Variants in HMGCLL1 observed in about 807,000 individuals in gnomAD.
HMGCLL1 encodes the protein 3-hydroxymethyl-3-methylglutaryl-CoA lyase, cytoplasmic.
Under a neutral mutation model 39.1 loss-of-function variants are expected in HMGCLL1, and 36 were observed. The observed-to-expected ratio is 0.92, with a 90% confidence interval of 0.71 to 1.22. HMGCLL1 has a LOEUF of 1.22. HMGCLL1 is among the 50% of genes most tolerant of loss of function. The probability of loss-of-function intolerance (pLI) is 0.00; values close to 1 mark genes in which losing one functional copy is unlikely to be tolerated. For missense variants in HMGCLL1, 451 were observed against 416.5 expected (o/e 1.08, Z -0.72); for synonymous variants, 149 against 144.0 (o/e 1.03, Z -0.25).
intron 5 of HMGCLL1, among the ~76,000 whole-genome samples, chr6:55,505,522 T>C (rs1293225055): frequency 6.6e-6 from 1 of 151,674 alleles, no homozygotes; most frequent in Non-Finnish European, 1.5e-5. Context: ...CATTTATTAT[T>C]GTGGATAACA....
At chr6:55,565,823 C>T (rs529289675) in intron 1 of HMGCLL1, among the ~76,000 whole-genome samples, 14 of 152,042 alleles carry the variant, frequency 9.2e-5, no homozygotes, top group Non-Finnish European at 1.9e-4. Flanking sequence ...TGAGTGAAAC[C>T]CTGAGTAACT....
chr6:55,616,828 C>A, the HMGCLL1 span, among the ~76,000 whole-genome samples: 1 of 151,684 alleles, frequency 6.6e-6, no homozygotes, highest in African/African-American at 2.4e-5. Flanking sequence ...TTAGTTATGT[C>A]TTTAGAGAGG....
the HMGCLL1 span, among the ~76,000 whole-genome samples, chr6:55,678,542 G>C: frequency 5.9e-5 from 9 of 152,194 alleles, no homozygotes; most frequent in Non-Finnish European, 1.2e-4. Context: ...TAAGCTCACT[G>C]ATATTGAGCA....
chr6:55,636,011 A>C, the HMGCLL1 span, among the ~76,000 whole-genome samples: 3 of 152,102 alleles, frequency 2.0e-5, no homozygotes, highest in Non-Finnish European at 4.4e-5. Context: ...CCAGCAGCAT[A>C]ATGAACCTCT....
At chr6:55,582,826 T>G (rs903645619), upstream of HMGCLL1, among the ~76,000 whole-genome samples, 2 of 152,152 alleles carry the variant, frequency 1.3e-5, no homozygotes, top group African/African-American at 4.8e-5. Context: ...TTAAATTATT[T>G]GAAACCATGA....
At chr6:55,497,001 G>A (rs2127424776) in intron 6 of HMGCLL1, among the ~76,000 whole-genome samples, 1 of 152,154 alleles carries the variant, frequency 6.6e-6, no homozygotes, top group East Asian at 1.9e-4. Context: ...TTTGCAAATG[G>A]TAGAGTCATT....
chr6:55,503,535 G>A (rs942853808), intron 5 of HMGCLL1, among the ~76,000 whole-genome samples: 2 of 107,682 alleles, frequency 1.9e-5, no homozygotes, highest in Non-Finnish European at 4.1e-5. Flanking sequence ...TTCTGTGTGT[G>A]TAATGAGAAT....
the HMGCLL1 span, among the ~76,000 whole-genome samples, chr6:55,662,417 CTTTTCTAAGTCTCTTGAGATTATCATGTG>C: frequency 1.3e-5 from 2 of 151,686 alleles, no homozygotes; most frequent in African/African-American, 4.8e-5. Flanking sequence ...CACTGAAAGT[CTTTTCTAAGTCTCTTGAGATTATCATGTG>C]TTTCTTGTTT....
chr6:55,564,718 A>T (rs1360248689), intron 1 of HMGCLL1, among the ~76,000 whole-genome samples: 2 of 151,962 alleles, frequency 1.3e-5, no homozygotes, highest in Admixed American at 6.6e-5. Flanking sequence ...ACATGCTTTG[A>T]TTTTGAGCTA....
chr6:55,631,100 T>C, the HMGCLL1 span, among the ~76,000 whole-genome samples: 1 of 152,084 alleles, frequency 6.6e-6, no homozygotes, highest in African/African-American at 2.4e-5. Context: ...TTAATACCTC[T>C]CTCTAAGTTC....
At chr6:55,509,997 C>A (rs1041141444) in intron 5 of HMGCLL1, among the ~76,000 whole-genome samples, 1 of 151,788 alleles carries the variant, frequency 6.6e-6, no homozygotes, top group Non-Finnish European at 1.5e-5. Flanking sequence ...TCACACCTGA[C>A]AATTGTCTTT....
intron 3 of HMGCLL1, among the ~76,000 whole-genome samples, chr6:55,527,518 C>A (rs12213162): frequency 6.6e-6 from 1 of 151,812 alleles, no homozygotes; most frequent in African/African-American, 2.4e-5. Flanking sequence ...GAGATGAATC[C>A]CCATTTTGTG....
chr6:55,482,123 T>C (rs1765782371), intron 7 of HMGCLL1, among the ~76,000 whole-genome samples: 1 of 152,140 alleles, frequency 6.6e-6, no homozygotes, highest in South Asian at 2.1e-4. Flanking sequence ...ATACTCTGAT[T>C]CTACAATAAG....
chr6:55,557,543 T>C (rs1177350806), intron 1 of HMGCLL1, among the ~76,000 whole-genome samples: 1 of 152,156 alleles, frequency 6.6e-6, no homozygotes, highest in Non-Finnish European at 1.5e-5. Context: ...TTTAGGGCTC[T>C]GTACCCAGCT....
At chr6:55,523,536 AT>A (rs1179701405) in intron 3 of HMGCLL1, among the ~76,000 whole-genome samples, 3 of 151,870 alleles carry the variant, frequency 2.0e-5, no homozygotes, top group East Asian at 1.9e-4. Context: ...GCTATATTAT[AT>A]TTTTTTATGT....
At chr6:55,517,840 T>C (rs1252656315) in intron 3 of HMGCLL1, among the ~76,000 whole-genome samples, 3 of 152,106 alleles carry the variant, frequency 2.0e-5, no homozygotes, top group African/African-American at 2.4e-5. Flanking sequence ...ATTAAATACC[T>C]AAGATGCAAA....
intron 1 of HMGCLL1, among the ~76,000 whole-genome samples, chr6:55,573,662 T>C (rs1339561151): frequency 1.3e-5 from 2 of 151,654 alleles, no homozygotes; most frequent in African/African-American, 2.4e-5. Context: ...AAAGAAAGAA[T>C]GAAAAAAATG....
intron 3 of HMGCLL1, among the ~76,000 whole-genome samples, chr6:55,519,364 A>G (rs1767915431): frequency 6.6e-6 from 1 of 152,168 alleles, no homozygotes; most frequent in Non-Finnish European, 1.5e-5. Context: ...CACAGTGGCT[A>G]ATAACACAGA....
intron 1 of HMGCLL1, among the ~76,000 whole-genome samples, chr6:55,577,459 T>C (rs1314963394): frequency 6.6e-6 from 1 of 152,120 alleles, no homozygotes; most frequent in East Asian, 1.9e-4. Flanking sequence ...ATCTTCAGAA[T>C]GGGCCAAAAA....
Sources: allele counts gnomAD v4.1 joint callset (sites outside exome capture counted in the v4.1 genomes callset), GRCh38; gene constraint gnomAD v4.1.1; transcripts MANE v1.5; gene names NCBI Gene and HGNC (gene_info 2026-07-23, HGNC 2026-07-21).